The following NOS1AP variants were observed in gnomAD, a reference collection of about 807,000 sequenced individuals.
The protein encoded by NOS1AP is carboxyl-terminal PDZ ligand of neuronal nitric oxide synthase protein.
Under a neutral mutation model 56.2 loss-of-function variants are expected in NOS1AP, and 21 were observed. That is an observed-to-expected ratio of 0.37 (90% CI 0.26 to 0.54). NOS1AP has a LOEUF of 0.54. NOS1AP is among the 20% of genes least tolerant of loss of function. The pLI is 0.84. For synonymous variants in NOS1AP, 270 were observed against 274.6 expected (o/e 0.98, Z 0.17); for missense variants, 522 against 657.8 (o/e 0.79, Z 2.26).
At chr1:162,251,787 A>G (rs1204257339) in intron 2 of NOS1AP, among the ~76,000 whole-genome samples, 2 of 151,400 alleles carry the variant, frequency 1.3e-5, no homozygotes, top group Non-Finnish European at 2.9e-5. Flanking sequence ...TCCTGGGCTC[A>G]AGTGATCTTC....
intron 1 of NOS1AP, among the ~76,000 whole-genome samples, chr1:162,108,250 C>T (rs984047831): frequency 6.6e-6 from 1 of 152,160 alleles, no homozygotes; most frequent in East Asian, 1.9e-4. Flanking sequence ...AGCAGGGAAA[C>T]TCTGGAGGAC....
At chr1:162,117,956 T>G (rs570255256) in intron 1 of NOS1AP, among the ~76,000 whole-genome samples, 10 of 152,316 alleles carry the variant, frequency 6.6e-5, no homozygotes, top group African/African-American at 2.2e-4. Context: ...GCTTCCACTT[T>G]CTTACCACAC....
chr1:162,199,133 T>C (rs995529097), intron 2 of NOS1AP, among the ~76,000 whole-genome samples: 2 of 152,188 alleles, frequency 1.3e-5, no homozygotes, highest in Non-Finnish European at 2.9e-5. Context: ...TCACCACAAA[T>C]GTAACTTGCA....
intron 2 of NOS1AP, among the ~76,000 whole-genome samples, chr1:162,274,483 T>C (rs891895709): frequency 2.6e-5 from 4 of 152,270 alleles, no homozygotes; most frequent in African/African-American, 7.2e-5. Context: ...GTCAGGTGCA[T>C]CTACCATACA....
intron 2 of NOS1AP, among the ~76,000 whole-genome samples, chr1:162,283,426 A>G (rs1329608628): frequency 2.0e-5 from 3 of 152,124 alleles, no homozygotes; most frequent in African/African-American, 7.2e-5. Context: ...ATACTCAGTG[A>G]CCAGGACAGA....
At chr1:162,320,207 G>A (rs1313981298) in intron 4 of NOS1AP, among the ~76,000 whole-genome samples, 4 of 152,098 alleles carry the variant, frequency 2.6e-5, no homozygotes, top group Non-Finnish European at 4.4e-5. Context: ...GGACCACCCC[G>A]ACACCTGCTT....
At position 162,342,237 on chromosome 1, in the gene NOS1AP, A is replaced by G. The variant is rs146314976; in HGVS notation, c.454-1598A>G. On this transcript the variant is annotated intron_variant, in intron 5 of 9. Coordinates refer to ENST00000361897, the MANE Select transcript of NOS1AP (RefSeq NM_014697.3). ...TATTTCAGGTGAGAGACCAATGGAG[A>G]ATATCTCTGGAGTTAGTCTAATGGC... is the stretch of plus-strand genomic sequence containing the variant. 6.1e-3 allele frequency among the ~76,000 whole-genome samples: 930 copies of G among 152,346 alleles called. 8 individuals carry two copies. Among genetic ancestry groups the G allele is most frequent in the Non-Finnish European group, 7.2e-3 (492 of 68,032 alleles).
chr1:162,222,253 G>A (rs1050038661), intron 2 of NOS1AP, among the ~76,000 whole-genome samples: 27 of 152,162 alleles, frequency 1.8e-4, no homozygotes, highest in African/African-American at 6.5e-4. Flanking sequence ...CTTAAGCCAC[G>A]TTATTGAGCA....
chr1:162,252,257 G>A (rs545123480), intron 2 of NOS1AP, among the ~76,000 whole-genome samples: 9 of 152,092 alleles, frequency 5.9e-5, no homozygotes, highest in Non-Finnish European at 1.0e-4. Context: ...ATATTTCCTA[G>A]GCTAGTCCCA....
chr1:162,080,589 GGA>G (rs1166875766), intron 1 of NOS1AP, among the ~76,000 whole-genome samples: 1 of 152,174 alleles, frequency 6.6e-6, no homozygotes, highest in East Asian at 1.9e-4. Flanking sequence ...AGTGTGTTGG[GGA>G]GAGAGAAAGG....
chr1:162,238,135 C>T (rs189912773), intron 2 of NOS1AP, among the ~76,000 whole-genome samples: 1 of 152,088 alleles, frequency 6.6e-6, no homozygotes, highest in East Asian at 1.9e-4. Context: ...AGTGCTTTAA[C>T]CTGATAGCCC....
rs964150809 is a variant in NOS1AP at position 162,115,540 on chromosome 1, C to T, written c.106-38865C>T. Among the ~76,000 whole-genome samples, 3 of 152,082 alleles carry T rather than the reference C, an allele frequency of 2.0e-5. No homozygotes were observed. The South Asian group carries it at 6.2e-4, about 32-fold the overall frequency. ...TAATCTGGGATGGTGAGAGCTTTGC[C>T]TCTCAAATGTGGCTTGCAGACCAGC... On this transcript the variant is annotated intron_variant, in intron 1 of 9. Coordinates refer to ENST00000361897, the MANE Select transcript of NOS1AP (RefSeq NM_014697.3).
intron 2 of NOS1AP, among the ~76,000 whole-genome samples, chr1:162,221,520 GCACA>G (rs1295505482): frequency 9.9e-6 from 1 of 100,732 alleles, no homozygotes; most frequent in African/African-American, 4.0e-5. Flanking sequence ...ACACACACAC[GCACA>G]CACACGCGCG....
At chr1:162,256,225 C>T (rs1260794826) in intron 2 of NOS1AP, among the ~76,000 whole-genome samples, 1 of 152,120 alleles carries the variant, frequency 6.6e-6, no homozygotes, top group Non-Finnish European at 1.5e-5. Context: ...CCTCAGCTCT[C>T]CCCGTAGTCC....
chr1:162,199,115 C>T (rs374279457), intron 2 of NOS1AP, among the ~76,000 whole-genome samples: 1 of 152,200 alleles, frequency 6.6e-6, no homozygotes, highest in Non-Finnish European at 1.5e-5. Flanking sequence ...TTGCAATCCT[C>T]CTGTTTCTCA....
At chr1:162,220,225 C>T (rs1652724544) in intron 2 of NOS1AP, among the ~76,000 whole-genome samples, 1 of 152,206 alleles carries the variant, frequency 6.6e-6, no homozygotes, top group Admixed American at 6.5e-5. Flanking sequence ...AGCCTAACTT[C>T]TTTACATGTG....
At chr1:162,149,922 C>T (rs1649640521) in intron 1 of NOS1AP, among the ~76,000 whole-genome samples, 2 of 152,176 alleles carry the variant, frequency 1.3e-5, no homozygotes, top group African/African-American at 4.8e-5. Context: ...GCATAATAGT[C>T]ACATCAGGGT....
chr1:162,304,003 T>C (rs1663685884), intron 4 of NOS1AP, among the ~76,000 whole-genome samples: 1 of 151,944 alleles, frequency 6.6e-6, no homozygotes, highest in African/African-American at 2.4e-5. Flanking sequence ...TTTTATTGAT[T>C]GTGCTTTTGG....
intron 2 of NOS1AP, among the ~76,000 whole-genome samples, chr1:162,275,595 T>C (rs531744788): frequency 2.6e-5 from 4 of 152,358 alleles, no homozygotes; most frequent in South Asian, 2.1e-4. Context: ...AGTTTGACTT[T>C]AGATTTCCAT....
Sources: allele counts gnomAD v4.1 joint callset (sites outside exome capture counted in the v4.1 genomes callset), GRCh38; gene constraint gnomAD v4.1.1; transcripts MANE v1.5; gene names NCBI Gene and HGNC (gene_info 2026-07-23, HGNC 2026-07-21).